The following DDX21 variants were observed in gnomAD, a reference collection of about 807,000 sequenced individuals.
The protein encoded by DDX21 is DExD-box helicase 21, also known as nucleolar RNA helicase 2.
In DDX21, 18 loss-of-function variants were observed where a neutral mutation model predicts 90.0. The observed-to-expected ratio is 0.20, with a 90% CI of 0.14 to 0.30. The LOEUF is 0.30. Among genes scored for constraint, DDX21 ranks in the 10% least tolerant of loss-of-function variants. The pLI, the probability that DDX21 is intolerant of heterozygous loss-of-function variation, is 1.00. For missense variants in DDX21, 673 were observed against 944.5 expected (o/e 0.71, Z 3.77); for synonymous variants, 294 against 318.0 (o/e 0.92, Z 0.80).
intron 5 of DDX21, among the ~76,000 whole-genome samples, chr10:68,965,833 T>C (rs1842932039): frequency 6.6e-6 from 1 of 152,182 alleles, no homozygotes; most frequent in Non-Finnish European, 1.5e-5. Flanking sequence ...TCTGTCCCTC[T>C]TTCTGCATGG....
At chr10:68,977,463 G>A (rs1393781859) in intron 11 of DDX21, 66 bp from the exon 12 acceptor site, 1 of 1,416,852 alleles carries the variant, frequency 7.1e-7, no homozygotes. Flanking sequence ...TTTATCTTGA[G>A]ATGTCTTAGA....
chr10:68,956,742 A>G (rs1258300938), intron 1 of DDX21: 34 of 1,021,926 alleles, frequency 3.3e-5, no homozygotes, highest in Non-Finnish European at 4.0e-5. Flanking sequence ...TTACACGTCA[A>G]GTCAAAGTGG....
intron 1 of DDX21, among the ~76,000 whole-genome samples, chr10:68,957,820 G>A (rs1307333501): frequency 1.3e-5 from 2 of 152,136 alleles, no homozygotes; most frequent in Non-Finnish European, 2.9e-5. Flanking sequence ...TGAAATTTCC[G>A]GGAGGCAGAA....
At chr10:68,970,679 G>A (rs1411743190) in intron 8 of DDX21, among the ~76,000 whole-genome samples, 1 of 151,670 alleles carries the variant, frequency 6.6e-6, no homozygotes. Flanking sequence ...TTGAGAGGGG[G>A]TCTCGCTTCT....
chr10:68,974,807 C>A lies in DDX21; in HGVS notation c.1742+64C>A. On this transcript the variant is annotated intron_variant, in intron 11 of 14. Transcript: ENST00000354185. ...GGTTCAAATACTGCATGTCTTTGTA[C>A]AGTAATAAGATTTGACTTAAAAAAA... 2.8e-6 allele frequency: 4 copies of A among 1,442,050 alleles called. No individual in the cohort carries two copies. In the Admixed American group the frequency reaches 6.1e-5, roughly 22 times the overall value. The allele number at this position is 1,442,050 out of a possible 1,614,324, so 89.3% of individuals were successfully genotyped here. A position where few individuals can be genotyped will look rare whatever the true frequency, so the allele number is the denominator to read the frequency against.
At chr10:68,980,218 C>G (rs1843165919) in intron 13 of DDX21, among the ~76,000 whole-genome samples, 1 of 151,938 alleles carries the variant, frequency 6.6e-6, no homozygotes, top group African/African-American at 2.4e-5. Context: ...CCAGCTTGGG[C>G]AACAAGAGTG....
chr10:68,979,333 C>G (rs1217760910), intron 13 of DDX21, among the ~76,000 whole-genome samples: 2 of 152,072 alleles, frequency 1.3e-5, no homozygotes, highest in African/African-American at 4.8e-5. Flanking sequence ...AAAAATTTGC[C>G]TCCCAAACCT....
intron 1 of DDX21, among the ~76,000 whole-genome samples, chr10:68,958,367 CA>C (rs1253981275): frequency 2.0e-5 from 3 of 152,048 alleles, no homozygotes; most frequent in Non-Finnish European, 4.4e-5. Context: ...TTCCTGGGCT[CA>C]AGCAATCCTC....
At position 68,959,907 on chromosome 10, in the gene DDX21, G is replaced by A. The variant is rs756818495; in HGVS notation, c.189G>A (p.Glu63=). The A allele has an allele frequency of 1.2e-6, 2 of 1,607,346 alleles. No individual in the cohort carries two copies. The highest frequency in any genetic ancestry group is 2.7e-5 in the African/African-American group (2 of 74,400). The part of the protein sequence containing the change: ...PKAKQVKKKA[E]PSEVDMNSPK... Reference sequence around the variant, plus strand: ...CTAAACAAGTTAAAAAGAAAGCAGAGCCTTCTGAAGTTGACATGAATTCTC... The same window carrying A: ...CTAAACAAGTTAAAAAGAAAGCAGAACCTTCTGAAGTTGACATGAATTCTC... The change falls in exon 2 of 15, where the codon GAG becomes GAA. Residue 63 remains glutamate (E), a synonymous_variant. Transcript: ENST00000354185.
chr10:68,956,484 A>T (rs368924310), intron 1 of DDX21, 172 bp downstream of exon 1: 1 of 1,447,772 alleles, frequency 6.9e-7, no homozygotes, highest in East Asian at 2.5e-5. Context: ...CTCCCCGGGC[A>T]GTGGACGCGT....
At chr10:68,957,153 A>G (rs763393371) in intron 1 of DDX21, among the ~76,000 whole-genome samples, 2 of 152,164 alleles carry the variant, frequency 1.3e-5, no homozygotes, top group African/African-American at 2.4e-5. Flanking sequence ...TCGTAAGGGA[A>G]GTAGAGTTTG....
chr10:68,969,134 C>G lies in DDX21; in HGVS notation c.1236+13C>G. ...AATAACTGTGGAGGTAAATTATTTA[C>G]TTAGTTGCCAGAATATAAAATTGTA... is the stretch of plus-strand genomic sequence containing the variant. On this transcript the variant is annotated intron_variant, in intron 7 of 14. Coordinates refer to ENST00000354185, the MANE Select transcript of DDX21 (RefSeq NM_004728.4). The G allele has an allele frequency of 6.3e-7, 1 of 1,599,868 alleles. No homozygotes were observed. Among genetic ancestry groups the G allele is most frequent in the Admixed American group, 1.8e-5 (1 of 55,614 alleles).
At chr10:68,960,808 C>T (rs1842863722) in intron 2 of DDX21, among the ~76,000 whole-genome samples, 1 of 151,020 alleles carries the variant, frequency 6.6e-6, no homozygotes, top group Admixed American at 6.6e-5. Flanking sequence ...CATAGTGTCA[C>T]AATGCCTCCT....
Position 68,962,090 on chromosome 10 carries a change from T to C in DDX21, c.540T>C (p.Pro180=), listed in dbSNP as rs879404746. ...ESNSEIEQEI[P]VEQKEGAFSN... ...GGCCCTTTACTTGATAGGAAATACC[T>C]GTGGAACAAAAAGAAGGCGCTTTCT... is the stretch of plus-strand genomic sequence containing the variant. The change falls in exon 3 of 15, where the codon CCT becomes CCC. Residue 180 remains proline, a synonymous_variant. Coordinates refer to ENST00000354185, the MANE Select transcript of DDX21 (RefSeq NM_004728.4). 3.0e-5 allele frequency: 48 copies of C among 1,611,524 alleles called. No individual in the cohort carries two copies. The highest frequency in any genetic ancestry group is 4.1e-5 in the Non-Finnish European group (48 of 1,178,372).
At chr10:68,966,718 G>C (rs1403280198) in intron 5 of DDX21, among the ~76,000 whole-genome samples, 1 of 152,066 alleles carries the variant, frequency 6.6e-6, no homozygotes, top group Non-Finnish European at 1.5e-5. Context: ...TGGGATTACA[G>C]GCGTGACCCA....
rs1159234737 is a variant in DDX21, at chr10:68,971,090, CT to C, written c.1386+749del. On this transcript the variant is annotated intron_variant, in intron 8 of 14. Coordinates refer to ENST00000354185, the MANE Select transcript of DDX21 (RefSeq NM_004728.4). Reference sequence around the variant, plus strand: ...AGGTAGCATGCACCACCATACCTGGCTTTTTTTTTCTGGATGGTGTTTTATT... The same window carrying C: ...AGGTAGCATGCACCACCATACCTGGCTTTTTTTTCTGGATGGTGTTTTATT... Among the ~76,000 whole-genome samples, 4 of 144,994 alleles carry C rather than the reference CT, an allele frequency of 2.8e-5. No individual in the cohort carries two copies. The East Asian group carries it at 6.2e-4, about 22-fold the overall frequency.
chr10:68,968,952 C>A, intron 6 of DDX21, 24 bp from the exon 7 acceptor site: 1 of 1,600,568 alleles, frequency 6.2e-7, no homozygotes, highest in African/African-American at 1.3e-5. Flanking sequence ...TTCATACTGA[C>A]TTTTTTTTTC....
Position 68,971,988 on chromosome 10 carries a change from A to G in DDX21, c.1484A>G (p.Asn495Ser). ...AGTTTTGGAGTTTTGGTGGCAACCA[A>G]TGTTGCTGCACGTGGGTTAGACATC... ...NGSFGVLVATNVAARGLDIPE... is the reference protein window; with the variant it reads ...NGSFGVLVATSVAARGLDIPE... The change falls in exon 9 of 15, where the codon AAT (asparagine) becomes AGT (serine). Residue 495 changes from asparagine to serine, a missense_variant. Around this residue, in one of 4 missense-constraint regions of DDX21, gnomAD observed 26 missense variants for 76.9 expected, o/e 0.34. Transcript: ENST00000354185. The G allele has an allele frequency of 6.2e-7, 1 of 1,614,170 alleles. No individual in the cohort carries two copies. The highest frequency in any genetic ancestry group is 8.5e-7 in the Non-Finnish European group (1 of 1,180,024).
chr10:68,975,819 C>T lies in DDX21; in HGVS notation c.1742+1076C>T, dbSNP rs576152084. On this transcript the variant is annotated intron_variant, in intron 11 of 14. Coordinates refer to ENST00000354185, the MANE Select transcript of DDX21 (RefSeq NM_004728.4). The stretch of plus-strand genomic sequence containing the variant: ...ATCCCAGCACTTTGGGAGGCCAAGG[C>T]GGGTGGATTACCTGAGGTCAGGAGT... 1.7e-4 allele frequency among the ~76,000 whole-genome samples: 26 copies of T among 151,964 alleles called. No homozygotes were observed. The South Asian group carries it at 2.5e-3, about 15-fold the overall frequency.
Sources: allele counts gnomAD v4.1 joint callset (sites outside exome capture counted in the v4.1 genomes callset), GRCh38; gene constraint gnomAD v4.1.1; regional missense constraint gnomAD v4.1.1; transcripts MANE v1.5; gene names NCBI Gene and HGNC (gene_info 2026-07-23, HGNC 2026-07-21).